The following ZNF420 variants were observed in gnomAD, a reference collection of about 807,000 sequenced individuals.
ZNF420 encodes the protein ATM and p53-associated KZNF protein.
In ZNF420, 31 loss-of-function variants were observed where a neutral mutation model predicts 44.7. That is an observed-to-expected ratio of 0.69 (90% CI 0.52 to 0.94). The LOEUF (loss-of-function observed/expected upper bound fraction) is 0.94, where lower values mean the gene tolerates loss of function less well. ZNF420 is among the 40% of genes least tolerant of loss of function. The pLI, the probability that ZNF420 is intolerant of heterozygous loss-of-function variation, is 0.00. For missense variants in ZNF420, 681 were observed against 827.9 expected (o/e 0.82, Z 2.18); for synonymous variants, 245 against 267.4 (o/e 0.92, Z 0.82).
rs928664513 is a variant in ZNF420 at position 37,022,627 on chromosome 19, C to A, written c.-125+14545C>A. 5.9e-5 allele frequency among the ~76,000 whole-genome samples: 9 copies of A among 152,056 alleles called. No homozygotes were observed. In the East Asian group the frequency reaches 1.7e-3, roughly 29 times the overall value. On this transcript the variant is annotated intron_variant, in intron 1 of 4. Coordinates refer to the ZNF420 transcript ENST00000587029. ...TGAAAAAAATTAACAAAAAATAGCACCCATAATGATATCACAAATGGAAGC... is the reference window on the plus strand; with the variant it reads ...TGAAAAAAATTAACAAAAAATAGCAACCATAATGATATCACAAATGGAAGC...
intron 1 of ZNF420, among the ~76,000 whole-genome samples, chr19:37,040,922 C>T (rs1468314845): frequency 1.3e-5 from 2 of 151,914 alleles, no homozygotes; most frequent in Non-Finnish European, 2.9e-5. Context: ...AAACTTCCCA[C>T]CCTCCTCCTA....
Position 37,128,294 on chromosome 19 carries a change from A to G in ZNF420, c.1303A>G (p.Thr435Ala), listed in dbSNP as rs1971473935. ...AGCGTTTAATCGTGGCTCACTCCTTACACGACACCAGAGGATTCATACTGG... is the reference window on the plus strand; with the variant it reads ...AGCGTTTAATCGTGGCTCACTCCTTGCACGACACCAGAGGATTCATACTGG... The part of the protein sequence containing the change: ...GKAFNRGSLL[T>A]RHQRIHTGEK... Residue 435 changes from threonine to alanine, a missense_variant, in exon 5 of 5, where the codon ACA becomes GCA. Transcript: ENST00000337995. 1.2e-6 allele frequency: 2 copies of G among 1,613,924 alleles called. No homozygotes were observed. The highest frequency in any genetic ancestry group is 1.7e-6 in the Non-Finnish European group (2 of 1,179,956).
chr19:37,083,308 A>G (rs1968576785), intron 2 of ZNF420, among the ~76,000 whole-genome samples: 1 of 151,300 alleles, frequency 6.6e-6, no homozygotes, highest in Admixed American at 6.6e-5. Flanking sequence ...ATGTTATTTT[A>G]TCAGTGGTTA....
At chr19:37,101,480 G>A (rs532424701) in intron 4 of ZNF420, among the ~76,000 whole-genome samples, 1 of 152,314 alleles carries the variant, frequency 6.6e-6, no homozygotes, top group East Asian at 1.9e-4. Context: ...GGGCAGCAGA[G>A]CAAGACTCCA....
chr19:37,116,923 C>T (rs10413385), intron 4 of ZNF420, among the ~76,000 whole-genome samples: 71,176 of 151,944 alleles, frequency 0.47, 17,100 homozygotes, highest in Middle Eastern at 0.53. Flanking sequence ...CCTGCCATTG[C>T]CCAGGCTTGC....
intron 1 of ZNF420, among the ~76,000 whole-genome samples, chr19:37,031,261 T>G (rs566672295): frequency 6.6e-6 from 1 of 152,330 alleles, no homozygotes; most frequent in South Asian, 2.1e-4. Context: ...TTTGCTCTAT[T>G]TCATTCTTAT....
intron 1 of ZNF420, among the ~76,000 whole-genome samples, chr19:37,016,405 T>G (rs533398686): frequency 6.6e-6 from 1 of 152,290 alleles, no homozygotes; most frequent in South Asian, 2.1e-4. Flanking sequence ...TTTTGCACTT[T>G]GCACCTCTTG....
chr19:37,083,108 C>G (rs553443559), intron 2 of ZNF420, among the ~76,000 whole-genome samples: 30 of 151,626 alleles, frequency 2.0e-4, no homozygotes, highest in South Asian at 1.7e-3. Context: ...ATCCGCCCAC[C>G]TCTGCCTCCC....
intron 1 of ZNF420, among the ~76,000 whole-genome samples, chr19:37,017,105 C>A (rs779091055): frequency 1.3e-5 from 2 of 152,190 alleles, no homozygotes; most frequent in Non-Finnish European, 2.9e-5. Context: ...GTATAATAAA[C>A]TAGTAAACCT....
intron 1 of ZNF420, among the ~76,000 whole-genome samples, chr19:37,053,360 T>C (rs1435923377): frequency 6.6e-6 from 1 of 152,244 alleles, no homozygotes; most frequent in Non-Finnish European, 1.5e-5. Flanking sequence ...TTCTCTCAAC[T>C]CGTCAAAGTC....
chr19:37,059,060 C>T (rs557822512), intron 1 of ZNF420, among the ~76,000 whole-genome samples: 43 of 152,212 alleles, frequency 2.8e-4, no homozygotes, highest in Non-Finnish European at 5.9e-5. Context: ...CTGAGCCCAT[C>T]CCTGCTCACC....
At chr19:37,116,349 A>G (rs1366157662) in intron 4 of ZNF420, among the ~76,000 whole-genome samples, 2 of 146,300 alleles carry the variant, frequency 1.4e-5, no homozygotes, top group Non-Finnish European at 3.0e-5. Flanking sequence ...AGCCTGGGCA[A>G]CAGAGCAGGA....
chr19:37,093,136 G>C (rs901834482), intron 4 of ZNF420: 1 of 152,034 alleles, frequency 6.6e-6, no homozygotes, highest in Non-Finnish European at 1.5e-5. Context: ...TGGAAGGGAG[G>C]GGGAGTCGGT....
At chr19:37,019,735 C>G (rs892671603) in intron 1 of ZNF420, among the ~76,000 whole-genome samples, 5 of 151,634 alleles carry the variant, frequency 3.3e-5, no homozygotes, top group African/African-American at 1.2e-4. Context: ...CCACTGCACT[C>G]CCAATTGGGG....
At chr19:37,031,164 A>G (rs950084219) in intron 1 of ZNF420, among the ~76,000 whole-genome samples, 1 of 152,150 alleles carries the variant, frequency 6.6e-6, no homozygotes, top group African/African-American at 2.4e-5. Context: ...TGCTTTCACC[A>G]TTTCAGACTG....
chr19:37,028,920 G>A (rs1448815408), intron 1 of ZNF420, among the ~76,000 whole-genome samples: 1 of 121,000 alleles, frequency 8.3e-6, no homozygotes, highest in Non-Finnish European at 1.7e-5. Flanking sequence ...TAATAGAAAA[G>A]AGGAGAGTGA....
intron 4 of ZNF420, among the ~76,000 whole-genome samples, chr19:37,101,490 A>T (rs935298178): frequency 6.6e-6 from 1 of 152,204 alleles, no homozygotes; most frequent in Admixed American, 6.5e-5. Flanking sequence ...GCAAGACTCC[A>T]TCTCAATCAA....
Position 37,129,661 on chromosome 19 carries a change from C to A in ZNF420, c.*603C>A. On this transcript the variant is annotated 3_prime_UTR_variant, in exon 5 of 5. Transcript: ENST00000337995. ...GCCATAATGAATGTGAGAAAGCTGTCATTTAAATCTCATCCATTATTGCTA... is the reference window on the plus strand; with the variant it reads ...GCCATAATGAATGTGAGAAAGCTGTAATTTAAATCTCATCCATTATTGCTA... 1 of 155,710 alleles carries A rather than the reference C, an allele frequency of 6.4e-6. No individual in the cohort carries two copies. Among genetic ancestry groups the A allele is most frequent in the Non-Finnish European group, 1.4e-5 (1 of 71,928 alleles). 9.6% of individuals were successfully genotyped at this position (155,710 alleles called of 1,614,324 possible).
intron 1 of ZNF420, among the ~76,000 whole-genome samples, chr19:37,009,598 G>A (rs1438840121): frequency 2.6e-5 from 4 of 152,208 alleles, no homozygotes; most frequent in Admixed American, 6.5e-5. Context: ...AGCGGTGGCG[G>A]CACACAGCAG....
Sources: allele counts gnomAD v4.1 joint callset (sites outside exome capture counted in the v4.1 genomes callset), GRCh38; gene constraint gnomAD v4.1.1; transcripts MANE v1.5; gene names NCBI Gene and HGNC (gene_info 2026-07-23, HGNC 2026-07-21).